The following LRRC7 variants were observed in gnomAD, a reference collection of about 807,000 sequenced individuals.
LRRC7 encodes leucine-rich repeat-containing protein 7.
A neutral mutation model predicts 175.7 loss-of-function variants in LRRC7; 23 were observed. The observed-to-expected ratio is 0.13, with a 90% CI of 0.09 to 0.19. The LOEUF (loss-of-function observed/expected upper bound fraction) is 0.19, where lower values mean the gene tolerates loss of function less well. Ranked by LOEUF, LRRC7 falls within the 10% of genes least tolerant of loss-of-function variation. The pLI, the probability that LRRC7 is intolerant of heterozygous loss-of-function variation, is 1.00. For synonymous variants in LRRC7, 685 were observed against 680.9 expected, an observed-to-expected ratio of 1.01 and a Z score of -0.09; for missense variants, 1,354 against 1,904.7, an observed-to-expected ratio of 0.71 and a Z score of 5.38.
intron 3 of LRRC7, among the ~76,000 whole-genome samples, chr1:69,778,801 G>A (rs1049531866): frequency 1.3e-4 from 20 of 152,116 alleles, no homozygotes; most frequent in African/African-American, 4.8e-4. Context: ...GACCTTGGCA[G>A]AGCTAGTCAG....
At chr1:69,651,230 T>A (rs946530076) in intron 1 of LRRC7, among the ~76,000 whole-genome samples, 3 of 152,198 alleles carry the variant, frequency 2.0e-5, no homozygotes, top group Non-Finnish European at 4.4e-5. Context: ...TATATATTTT[T>A]AAAAACATTG....
chr1:69,690,505 G>A (rs1570370799), intron 2 of LRRC7, among the ~76,000 whole-genome samples: 1 of 152,190 alleles, frequency 6.6e-6, no homozygotes, highest in South Asian at 2.1e-4. Context: ...TTTGATGAAG[G>A]ATTTTTTTGA....
At chr1:70,064,394 A>T (rs1661808012) in intron 23 of LRRC7, among the ~76,000 whole-genome samples, 1 of 151,882 alleles carries the variant, frequency 6.6e-6, no homozygotes, top group Admixed American at 6.6e-5. Flanking sequence ...CATCTTCACA[A>T]CTTTATGGGA....
chr1:69,824,412 A>G (rs12725436), intron 4 of LRRC7, among the ~76,000 whole-genome samples: 72,565 of 151,992 alleles, frequency 0.48, 17,645 homozygotes, highest in Middle Eastern at 0.59. Flanking sequence ...AAAACAAGAG[A>G]AACAGGCTTT....
chr1:69,901,998 C>A (rs1646148280), intron 7 of LRRC7, among the ~76,000 whole-genome samples: 1 of 152,098 alleles, frequency 6.6e-6, no homozygotes, highest in African/African-American at 2.4e-5. Context: ...AATTTAATAT[C>A]TAAATTGTAT....
chr1:69,986,396 T>C lies in LRRC7; in HGVS notation c.931+10T>C, dbSNP rs894169919. The C allele has an allele frequency of 1.5e-5, 24 of 1,599,616 alleles. No homozygotes were observed. The highest frequency in any genetic ancestry group is 1.8e-5 in the Non-Finnish European group (21 of 1,174,540). Reference sequence around the variant, plus strand: ...TTGCCTGATTCTATAGGTGAGAATATAATATTTTGTCACAAATATTTATGT... The same window carrying C: ...TTGCCTGATTCTATAGGTGAGAATACAATATTTTGTCACAAATATTTATGT... On this transcript the variant is annotated intron_variant, in intron 10 of 26. Transcript: ENST00000651989.
chr1:69,881,229 T>C (rs1449171973), intron 7 of LRRC7, among the ~76,000 whole-genome samples: 2 of 152,234 alleles, frequency 1.3e-5, no homozygotes, highest in Non-Finnish European at 2.9e-5. Flanking sequence ...AGAGGGGATA[T>C]GGCAATCAGA....
chr1:69,761,287 A>G (rs1671008171), intron 3 of LRRC7, among the ~76,000 whole-genome samples: 1 of 152,084 alleles, frequency 6.6e-6, no homozygotes, highest in African/African-American at 2.4e-5. Context: ...GTAAAAATGT[A>G]TATTAAATAT....
intron 25 of LRRC7, among the ~76,000 whole-genome samples, chr1:70,096,271 T>C (rs1664390805): frequency 6.6e-6 from 1 of 152,180 alleles, no homozygotes; most frequent in African/African-American, 2.4e-5. Context: ...GCCACCGTGC[T>C]TGCCTATGCA....
intron 1 of LRRC7, among the ~76,000 whole-genome samples, chr1:69,649,050 G>A (rs981558980): frequency 2.0e-5 from 3 of 152,162 alleles, no homozygotes; most frequent in Non-Finnish European, 4.4e-5. Context: ...ACATTACGAT[G>A]CAGTTTTTCA....
chr1:69,807,078 G>A (rs1274253231), intron 4 of LRRC7, among the ~76,000 whole-genome samples: 1 of 151,946 alleles, frequency 6.6e-6, no homozygotes, highest in Non-Finnish European at 1.5e-5. Flanking sequence ...TTTGATCTTT[G>A]TTGGTTTAAA....
chr1:70,061,444 C>T (rs1230860955), intron 23 of LRRC7, among the ~76,000 whole-genome samples: 1 of 152,094 alleles, frequency 6.6e-6, no homozygotes, highest in Non-Finnish European at 1.5e-5. Flanking sequence ...GTGGTAACAG[C>T]ATATTATGCT....
At position 70,136,503 on chromosome 1, in the gene LRRC7, G is replaced by A. The variant is rs926564947; in HGVS notation, c.*14616G>A. ...ATCAACAAATGTTAATGAACAAGGG[G>A]TTATGTTCAAAATTCTATTATAAGA... On this transcript the variant is annotated 3_prime_UTR_variant, in exon 27 of 27. Transcript: ENST00000651989. 2.0e-5 allele frequency among the ~76,000 whole-genome samples: 3 copies of A among 151,884 alleles called. No individual in the cohort carries two copies. Among genetic ancestry groups the A allele is most frequent in the East Asian group, 3.9e-4 (2 of 5,164 alleles).
At chr1:69,916,435 A>G (rs987571188) in intron 7 of LRRC7, among the ~76,000 whole-genome samples, 1 of 151,160 alleles carries the variant, frequency 6.6e-6, no homozygotes, top group African/African-American at 2.4e-5. Context: ...TCAGGAAGTT[A>G]ACACAAGATT....
intron 2 of LRRC7, among the ~76,000 whole-genome samples, chr1:69,693,190 C>T (rs899886087): frequency 1.3e-5 from 2 of 151,992 alleles, no homozygotes; most frequent in Non-Finnish European, 2.9e-5. Context: ...TCTCATTGAC[C>T]CCTTTCTATA....
Position 69,813,699 on chromosome 1 carries a change from A to G in LRRC7, c.422-12049A>G, listed in dbSNP as rs768765714. 6.0e-4 allele frequency among the ~76,000 whole-genome samples: 91 copies of G among 152,182 alleles called. 1 individual carries two copies. The highest frequency in any genetic ancestry group is 9.2e-4 in the Admixed American group (14 of 15,250). Reference sequence around the variant, plus strand: ...AAATGGTTGTTCAGCCTAGGTTTGAATATAACCTAAATATAATAAGCTTGG... The same window carrying G: ...AAATGGTTGTTCAGCCTAGGTTTGAGTATAACCTAAATATAATAAGCTTGG... On this transcript the variant is annotated intron_variant, in intron 4 of 26. Coordinates refer to ENST00000651989, the MANE Select transcript of LRRC7 (RefSeq NM_001370785.2).
intron 2 of LRRC7, among the ~76,000 whole-genome samples, chr1:69,733,475 T>C (rs534294404): frequency 6.6e-6 from 1 of 152,192 alleles, no homozygotes; most frequent in African/African-American, 2.4e-5. Flanking sequence ...ATTTGTTATT[T>C]TCAACTCATG....
At chr1:69,949,248 C>T (rs1649666389) in intron 8 of LRRC7, among the ~76,000 whole-genome samples, 1 of 152,082 alleles carries the variant, frequency 6.6e-6, no homozygotes, top group African/African-American at 2.4e-5. Context: ...TATGCATTTA[C>T]ATTTACATGT....
chr1:69,658,441 C>T (rs746359180), intron 1 of LRRC7, among the ~76,000 whole-genome samples: 15 of 151,842 alleles, frequency 9.9e-5, no homozygotes, highest in African/African-American at 3.4e-4. Flanking sequence ...AGTTGCCACA[C>T]TGGCTAAAAA....
Sources: allele counts gnomAD v4.1 joint callset (sites outside exome capture counted in the v4.1 genomes callset), GRCh38; gene constraint gnomAD v4.1.1; transcripts MANE v1.5; gene names NCBI Gene and HGNC (gene_info 2026-07-23, HGNC 2026-07-21).